Variants in ABCA4 observed in about 807,000 individuals in gnomAD.
ABCA4 encodes retinal-specific phospholipid-transporting ATPase ABCA4.
A neutral mutation model predicts 263.7 loss-of-function variants in ABCA4; 196 were observed. That is an observed-to-expected ratio of 0.74 (90% CI 0.66 to 0.84). The LOEUF (loss-of-function observed/expected upper bound fraction) is 0.84. Among genes scored for constraint, ABCA4 ranks in the 40% least tolerant of loss-of-function variants. The pLI is 0.00. For missense variants in ABCA4, 2,792 were observed against 2,855.1 expected (o/e 0.98, Z 0.50); for synonymous variants, 1,133 against 1,094.2 (o/e 1.04, Z -0.70).
intron 1 of ABCA4, among the ~76,000 whole-genome samples, chr1:94,115,022 G>C (rs1662719876): frequency 6.6e-6 from 1 of 152,216 alleles, no homozygotes; most frequent in African/African-American, 2.4e-5. Flanking sequence ...AAAGCCTTTG[G>C]TGACATGGGG....
At position 94,091,579 on chromosome 1, in the gene ABCA4, T is replaced by A. The variant is rs7514379; in HGVS notation, c.768+7215A>T. 2.6e-4 allele frequency among the ~76,000 whole-genome samples: 37 copies of A among 143,846 alleles called. No homozygotes were observed. In the Middle Eastern group the frequency reaches 0.014, roughly 54 times the overall value. The allele number at this position is 143,846 out of a possible 152,430, so 94.4% of individuals were successfully genotyped here. On this transcript the variant is annotated intron_variant, in intron 6 of 49. Transcript: ENST00000370225. Reference sequence around the variant, plus strand: ...ACAGATCAAAATGGCAAACATCATCTCACACACACACACACACACACACAC... The same window carrying A: ...ACAGATCAAAATGGCAAACATCATCACACACACACACACACACACACACAC...
Position 94,042,116 on chromosome 1 carries a change from A to G in ABCA4, c.3328+645T>C, listed in dbSNP as rs867954316. Among the ~76,000 whole-genome samples the G allele has an allele frequency of 6.4e-3, 971 of 151,196 alleles. 4 individuals are homozygous for G. Among genetic ancestry groups the G allele is most frequent in the Middle Eastern group, 0.014 (4 of 294 alleles). On this transcript the variant is annotated intron_variant, in intron 22 of 49. Transcript: ENST00000370225. ...TCTGTCTCAAAAAAAAAAAAAAAAAAAAAAGAAAAGAAAGAAAGAAAATAG... is the reference window on the plus strand; with the variant it reads ...TCTGTCTCAAAAAAAAAAAAAAAAAGAAAAGAAAAGAAAGAAAGAAAATAG...
chr1:94,038,705 C>T (rs1158498372), intron 24 of ABCA4, among the ~76,000 whole-genome samples: 1 of 152,164 alleles, frequency 6.6e-6, no homozygotes. Context: ...CCCAAAGCTG[C>T]TGGATTCCCA....
chr1:93,993,859 T>C (rs1658932250), intron 49 of ABCA4, among the ~76,000 whole-genome samples: 1 of 152,140 alleles, frequency 6.6e-6, no homozygotes, highest in Non-Finnish European at 1.5e-5. Context: ...GTTGAATTCC[T>C]GAACCAATGC....
At chr1:94,072,851 G>A (rs1208454269) in intron 11 of ABCA4, among the ~76,000 whole-genome samples, 2 of 152,168 alleles carry the variant, frequency 1.3e-5, no homozygotes, top group Non-Finnish European at 2.9e-5. Context: ...CTGCTAATGG[G>A]AGGGGATCAG....
intron 47 of ABCA4, among the ~76,000 whole-genome samples, chr1:94,000,507 C>T (rs1299081250): frequency 1.3e-5 from 2 of 152,174 alleles, no homozygotes; most frequent in Non-Finnish European, 2.9e-5. Flanking sequence ...GGCCACAGGT[C>T]CCGGATCTGT....
chr1:94,008,804 T>A lies in ABCA4; in HGVS notation c.5782A>T (p.Ile1928Phe). The A allele has an allele frequency of 6.2e-7, 1 of 1,613,920 alleles. No homozygotes were observed. Among genetic ancestry groups the A allele is most frequent in the Non-Finnish European group, 8.5e-7 (1 of 1,179,978 alleles). ...DDDVAEERQR[I>F]ITGGNKTDIL... ...TCAGTTTTATTTCCACCAGTAATAA[T>A]TCTTTGTCTTTCTTCAGCCACATCA... Residue 1928 changes from isoleucine to phenylalanine, a missense_variant, in exon 41 of 50, where the codon ATT becomes TTT. Transcript: ENST00000370225.
intron 4 of ABCA4, among the ~76,000 whole-genome samples, chr1:94,107,420 G>A (rs749341849): frequency 1.6e-4 from 24 of 152,194 alleles, no homozygotes; most frequent in Admixed American, 4.6e-4. Context: ...GGGATCCAGT[G>A]GCCATGTCCA....
In ABCA4 at chr1:94,078,648, T is replaced by C. The variant is rs1213348615; in HGVS notation, c.1298A>G (p.Glu433Gly). 1 of 1,591,334 alleles carries C rather than the reference T, an allele frequency of 6.3e-7. No individual in the cohort carries two copies. The highest frequency in any genetic ancestry group is 1.1e-5 in the South Asian group (1 of 90,742). ...GAAGTACCAGATCTGGGGCCCTACT[T>C]CTTCCCAGGCTTTGACCAACTTCCT... is the stretch of plus-strand genomic sequence containing the variant. ...HVRKLVKAWE[E>G]VGPQIWYFFD... Residue 433 changes from glutamate to glycine, a missense_variant, in exon 10 of 50, where the codon GAA becomes GGA. Physicochemically the swap from Glu to Gly is moderately conservative, Grantham distance 98. Coordinates refer to ENST00000370225, the MANE Select transcript of ABCA4 (RefSeq NM_000350.3).
chr1:94,110,561 G>C (rs2101160147), intron 3 of ABCA4, among the ~76,000 whole-genome samples: 1 of 152,310 alleles, frequency 6.6e-6, no homozygotes, highest in African/African-American at 2.4e-5. Context: ...GCTGCACAAG[G>C]TGCTGCTTAA....
chr1:94,045,871 G>C (rs965143133), intron 19 of ABCA4: 1 of 456,138 alleles, frequency 2.2e-6, no homozygotes, highest in Non-Finnish European at 4.4e-6. Context: ...TGCGAGGTCC[G>C]TGTCTGCTGC....
intron 30 of ABCA4, among the ~76,000 whole-genome samples, chr1:94,026,735 C>A (rs79367778): frequency 0.013 from 1,964 of 152,296 alleles, 35 homozygotes; most frequent in African/African-American, 0.045. Context: ...ACCTCAGGAC[C>A]CACCACATTC....
intron 16 of ABCA4, among the ~76,000 whole-genome samples, chr1:94,052,746 G>A (rs1471487185): frequency 6.6e-6 from 1 of 152,208 alleles, no homozygotes; most frequent in Non-Finnish European, 1.5e-5. Flanking sequence ...GTTGGGGTCT[G>A]TGGCATAACA....
Position 94,005,620 on chromosome 1 carries a change from G to C in ABCA4, c.6006-38C>G, listed in dbSNP as rs746770996. On this transcript the variant is annotated intron_variant, in intron 43 of 49. Coordinates refer to ENST00000370225, the MANE Select transcript of ABCA4 (RefSeq NM_000350.3). Reference sequence around the variant, plus strand: ...AAGCAATTACTGAGTATCCTTCAAGGAGTGGAGGGATGACCATAGAGCTAG... The same window carrying C: ...AAGCAATTACTGAGTATCCTTCAAGCAGTGGAGGGATGACCATAGAGCTAG... The C allele has an allele frequency of 6.9e-6, 11 of 1,604,840 alleles. No homozygotes were observed. In the South Asian group the frequency reaches 8.8e-5, roughly 13 times the overall value.
intron 5 of ABCA4, 130 bp from the exon 6 acceptor site, chr1:94,099,121 C>T (rs1011454069): frequency 4.8e-6 from 5 of 1,038,142 alleles, no homozygotes; most frequent in South Asian, 4.1e-5. Context: ...GGGATTAAAG[C>T]CACTGATTAG....
intron 26 of ABCA4, among the ~76,000 whole-genome samples, chr1:94,035,866 TG>T (rs1442526759): frequency 6.6e-6 from 1 of 152,198 alleles, no homozygotes; most frequent in Non-Finnish European, 1.5e-5. Flanking sequence ...TGTGTGGCTG[TG>T]GGTTTGATAA....
At chr1:93,994,622 G>T (rs1446898696) in intron 49 of ABCA4, among the ~76,000 whole-genome samples, 1 of 152,174 alleles carries the variant, frequency 6.6e-6, no homozygotes, top group East Asian at 1.9e-4. Context: ...CTATATGAAA[G>T]AATTTTTGCA....
intron 27 of ABCA4, 118 bp from the exon 28 acceptor site, chr1:94,031,238 G>T: frequency 7.2e-7 from 1 of 1,392,852 alleles, no homozygotes; most frequent in Non-Finnish European, 9.9e-7. Flanking sequence ...ATCAGCCCCT[G>T]GTGGAGAGGG....
At chr1:94,034,708 C>T (rs1222660189) in intron 26 of ABCA4, among the ~76,000 whole-genome samples, 1 of 151,590 alleles carries the variant, frequency 6.6e-6, no homozygotes, top group Non-Finnish European at 1.5e-5. Context: ...TTTAGGCAAA[C>T]CCTCCAACCT....
Sources: allele counts gnomAD v4.1 joint callset (sites outside exome capture counted in the v4.1 genomes callset), GRCh38; gene constraint gnomAD v4.1.1; transcripts MANE v1.5; gene names NCBI Gene and HGNC (gene_info 2026-07-23, HGNC 2026-07-21).